ODAD2: variants seen among roughly 807,000 people sequenced by gnomAD.
ODAD2 encodes the protein outer dynein arm-docking complex subunit 2.
A neutral mutation model predicts 106.8 loss-of-function variants in ODAD2; 89 were observed. That is an observed-to-expected ratio of 0.83 (90% confidence interval 0.70 to 0.99). ODAD2 has a LOEUF of 0.99. Among genes scored for constraint, ODAD2 ranks in the 50% least tolerant of loss-of-function variants. The pLI is 0.00. For synonymous variants in ODAD2, 404 were observed against 436.2 expected (o/e 0.93, Z 0.92); for missense variants, 1,168 against 1,238.5 (o/e 0.94, Z 0.85).
chr10:27,961,573 A>C lies in ODAD2; in HGVS notation c.1381T>G (p.Leu461Val). The C allele has an allele frequency of 1.2e-6, 2 of 1,610,474 alleles. No individual in the cohort carries two copies. Among genetic ancestry groups the C allele is most frequent in the Non-Finnish European group, 1.7e-6 (2 of 1,178,778 alleles). The part of the protein sequence containing the change: ...YWQIQKLVKY[L>V]KGGNQTATVI... ...CTACCATAGACCTTTCTTACCTTTAAATATTTCACCAGCTTCTGAATTTGC... is the reference window on the plus strand; with the variant it reads ...CTACCATAGACCTTTCTTACCTTTACATATTTCACCAGCTTCTGAATTTGC... The change falls in exon 10 of 20, where the codon TTA becomes GTA. Residue 461 changes from leucine to valine, a missense_variant. Leu to Val is a conservative substitution (Grantham distance 32). Transcript: ENST00000305242.
chr10:27,858,498 C>G (rs1412613419), intron 19 of ODAD2, among the ~76,000 whole-genome samples: 2 of 152,134 alleles, frequency 1.3e-5, no homozygotes, highest in African/African-American at 4.8e-5. Context: ...CCAAGAAACC[C>G]AAGGATAATC....
At chr10:27,936,414 C>G (rs916130349) in intron 15 of ODAD2, among the ~76,000 whole-genome samples, 5 of 152,172 alleles carry the variant, frequency 3.3e-5, no homozygotes, top group African/African-American at 1.2e-4. Context: ...TCCGCCCACT[C>G]ACCTTGATAG....
Position 27,987,465 on chromosome 10 carries a change from A to T in ODAD2, c.303T>A (p.Ile101=), listed in dbSNP as rs757902217. The T allele has an allele frequency of 1.2e-6, 2 of 1,613,874 alleles. No homozygotes were observed. Among genetic ancestry groups the T allele is most frequent in the Admixed American group, 3.3e-5 (2 of 60,002 alleles). Residue 101 remains isoleucine (I), a synonymous_variant, in exon 3 of 20, where the codon ATT becomes ATA. Coordinates refer to ENST00000305242, the MANE Select transcript of ODAD2 (RefSeq NM_018076.5). The part of the protein sequence containing the change: ...LLFLSVPQIK[I]RSFGQLSRLL... ...AGCGTGACAGCTGCCCAAAGCTCCT[A>T]ATTTTAATTTGTGGTACAGAGAGAA...
At chr10:27,864,578 ATGGGGAGTGAGGTGAGAG>A (rs1840303249) in intron 17 of ODAD2, among the ~76,000 whole-genome samples, 9 of 76,208 alleles carry the variant, frequency 1.2e-4, no homozygotes, top group African/African-American at 5.1e-4. Flanking sequence ...TGAGGTGAGA[ATGGGGAGTGAGGTGAGAG>A]TGGGGAGTGA....
intron 2 of ODAD2, among the ~76,000 whole-genome samples, chr10:27,990,164 A>G (rs1850134969): frequency 1.3e-5 from 2 of 150,866 alleles, no homozygotes; most frequent in Admixed American, 1.3e-4. Flanking sequence ...TTTTTTTTTT[A>G]AGAGACAAGA....
Position 27,987,448 on chromosome 10 carries a change from A to G in ODAD2, c.320T>C (p.Leu107Pro). ...PQIKIRSFGQ[L>P]SRLLLIAKTG... ...TTTGGCAATAAGTAACAAGCGTGAC[A>G]GCTGCCCAAAGCTCCTAATTTTAAT... The change falls in exon 3 of 20, where the codon CTG (leucine) becomes CCG (proline). Residue 107 changes from leucine to proline, a missense_variant. By Grantham distance (98) the Leu-to-Pro change is moderately conservative. This residue lies in a region of ODAD2 where 430 missense variants were observed against 452.2 expected (regional missense o/e 0.95). Coordinates refer to ENST00000305242, the MANE Select transcript of ODAD2 (RefSeq NM_018076.5). 1 of 1,614,044 alleles carries G rather than the reference A, an allele frequency of 6.2e-7. No homozygotes were observed. Among genetic ancestry groups the G allele is most frequent in the African/African-American group, 1.3e-5 (1 of 75,060 alleles).
intron 19 of ODAD2, among the ~76,000 whole-genome samples, chr10:27,857,694 A>G (rs557848110): frequency 3.9e-5 from 6 of 152,332 alleles, no homozygotes; most frequent in Admixed American, 3.9e-4. Flanking sequence ...CACTGTCAGG[A>G]TAGAATAAAC....
At position 27,971,283 on chromosome 10, in the gene ODAD2, C is replaced by T; in HGVS notation, c.967G>A (p.Glu323Lys). The change falls in exon 8 of 20, where the codon GAA becomes AAA. Residue 323 changes from glutamate to lysine, a missense_variant. By Grantham distance (56) the Glu-to-Lys change is moderately conservative. Coordinates refer to ENST00000305242, the MANE Select transcript of ODAD2 (RefSeq NM_018076.5). ...GISFSEDQQK[E>K]KDQLGKAPKK... ...GGGGCTTTGCCAAGCTGATCCTTTT[C>T]CTTTTGCTGGTCTTCACTGAAGCTA... The T allele has an allele frequency of 6.2e-7, 1 of 1,611,078 alleles. No homozygotes were observed. Among genetic ancestry groups the T allele is most frequent in the South Asian group, 1.1e-5 (1 of 90,408 alleles).
chr10:27,848,993 G>A (rs932616196), intron 19 of ODAD2, among the ~76,000 whole-genome samples: 1 of 152,200 alleles, frequency 6.6e-6, no homozygotes, highest in Non-Finnish European at 1.5e-5. Context: ...AGACAGTGTG[G>A]TGATTCCTCA....
intron 8 of ODAD2, among the ~76,000 whole-genome samples, chr10:27,970,520 A>G (rs1256539946): frequency 6.6e-6 from 1 of 152,178 alleles, no homozygotes; most frequent in African/African-American, 2.4e-5. Context: ...CAACTATATA[A>G]AAGTGAATTG....
chr10:27,822,175 G>A (rs925859808), intron 19 of ODAD2, among the ~76,000 whole-genome samples: 1 of 152,192 alleles, frequency 6.6e-6, no homozygotes, highest in African/African-American at 2.4e-5. Context: ...CCTGGAAGGT[G>A]TGACAAAGGT....
intron 17 of ODAD2, among the ~76,000 whole-genome samples, chr10:27,903,023 T>C (rs1324689663): frequency 6.6e-6 from 1 of 152,204 alleles, no homozygotes; most frequent in African/African-American, 2.4e-5. Context: ...CCAATGTCCC[T>C]GATGAACATC....
intron 16 of ODAD2, among the ~76,000 whole-genome samples, chr10:27,930,026 C>T (rs1348570595): frequency 6.6e-6 from 1 of 151,970 alleles, no homozygotes; most frequent in Non-Finnish European, 1.5e-5. Context: ...TATGTTGGCT[C>T]TCCTTGGGTT....
chr10:27,993,907 C>A (rs1358575982), intron 2 of ODAD2, among the ~76,000 whole-genome samples: 1 of 149,560 alleles, frequency 6.7e-6, no homozygotes, highest in Non-Finnish European at 1.5e-5. Context: ...CAAAGAAGAA[C>A]AAGGTGGTAG....
intron 19 of ODAD2, among the ~76,000 whole-genome samples, chr10:27,818,596 T>C (rs910718503): frequency 1.3e-5 from 2 of 152,212 alleles, no homozygotes; most frequent in Admixed American, 6.5e-5. Context: ...TTGATTTCCA[T>C]ACGCAAATGA....
At chr10:27,996,263 C>T (rs1162764087) in intron 1 of ODAD2, among the ~76,000 whole-genome samples, 1 of 152,048 alleles carries the variant, frequency 6.6e-6, no homozygotes, top group East Asian at 1.9e-4. Flanking sequence ...GCTTTTTACT[C>T]CCATCATTAT....
intron 7 of ODAD2, among the ~76,000 whole-genome samples, chr10:27,976,241 C>T (rs1271891614): frequency 6.6e-6 from 1 of 151,776 alleles, no homozygotes; most frequent in Admixed American, 6.6e-5. Context: ...CCAGCTAGTG[C>T]ATTAAGGAAA....
intron 17 of ODAD2, among the ~76,000 whole-genome samples, chr10:27,872,965 G>A (rs1324770790): frequency 5.3e-5 from 8 of 152,082 alleles, no homozygotes; most frequent in East Asian, 1.9e-4. Flanking sequence ...GGTAGCATTC[G>A]GCTATGAATC....
rs1564466501 is a variant in ODAD2 at position 27,885,753 on chromosome 10, ATATATTTTATATATAT to A, written c.2610+21894_2610+21909del. The stretch of plus-strand genomic sequence containing the variant: ...TAAAATATATTATGTTATATATAAT[ATATATTTTATATATAT>A]TATATAAAATATATATTATATATAA... On this transcript the variant is annotated intron_variant, in intron 17 of 19. Transcript: ENST00000305242. 6.0e-4 allele frequency among the ~76,000 whole-genome samples: 35 copies of A among 58,572 alleles called. 1 individual carries two copies. The highest frequency in any genetic ancestry group is 2.4e-3 in the African/African-American group (34 of 13,958). The allele number at this position is 58,572 out of a possible 152,430, so 38.4% of individuals were successfully genotyped here.
Sources: gnomAD v4.1 joint callset for allele counts (sites outside exome capture counted in the v4.1 genomes callset) on GRCh38, gnomAD v4.1.1 for gene constraint, gnomAD v4.1.1 regional missense constraint, MANE v1.5 for transcripts, NCBI Gene and HGNC (gene_info 2026-07-23, HGNC 2026-07-21) for gene names.